The following PRKAA2 variants were observed in gnomAD, a reference collection of about 807,000 sequenced individuals.
PRKAA2 encodes the protein protein kinase AMP-activated catalytic subunit alpha 2, also known as 5'-AMP-activated protein kinase catalytic subunit alpha-2.
In PRKAA2, 40 loss-of-function variants were observed where a neutral mutation model predicts 56.3. The observed-to-expected ratio is 0.71, with a 90% CI of 0.55 to 0.92. The LOEUF (loss-of-function observed/expected upper bound fraction) is 0.92, where lower values mean the gene tolerates loss of function less well. Among genes scored for constraint, PRKAA2 ranks in the 40% least tolerant of loss-of-function variants. The probability of loss-of-function intolerance (pLI) is 0.00; values close to 1 mark genes in which losing one functional copy is unlikely to be tolerated. For synonymous variants in PRKAA2, 214 were observed against 234.2 expected (o/e 0.91, Z 0.79); for missense variants, 542 against 686.9 (o/e 0.79, Z 2.36).
At chr1:56,698,103 G>T (rs1408916046) in intron 6 of PRKAA2, among the ~76,000 whole-genome samples, 5 of 133,178 alleles carry the variant, frequency 3.8e-5, no homozygotes, top group Non-Finnish European at 6.2e-5. Context: ...TTTTTAAAGA[G>T]ATGGGGTCTT....
At chr1:56,653,717 A>G (rs924298079) in intron 1 of PRKAA2, among the ~76,000 whole-genome samples, 1 of 152,114 alleles carries the variant, frequency 6.6e-6, no homozygotes, top group African/African-American at 2.4e-5. Context: ...TGAGACCAGA[A>G]ATTTATTGAT....
intron 1 of PRKAA2, among the ~76,000 whole-genome samples, chr1:56,673,196 A>AC (rs763222827): frequency 6.6e-6 from 1 of 151,774 alleles, no homozygotes; most frequent in Non-Finnish European, 1.5e-5. Context: ...ACATGGTGAG[A>AC]CCCCATCTCT....
intron 2 of PRKAA2, among the ~76,000 whole-genome samples, chr1:56,684,263 C>T (rs1644175667): frequency 6.6e-6 from 1 of 151,922 alleles, no homozygotes; most frequent in Admixed American, 6.6e-5. Flanking sequence ...GTGGTTTCAA[C>T]AATTTAATTT....
intron 1 of PRKAA2, among the ~76,000 whole-genome samples, chr1:56,667,712 CAT>C (rs1479836933): frequency 6.6e-6 from 1 of 152,108 alleles, no homozygotes; most frequent in Non-Finnish European, 1.5e-5. Flanking sequence ...AAATGTTAAA[CAT>C]GTATATATAC....
intron 1 of PRKAA2, among the ~76,000 whole-genome samples, chr1:56,654,257 A>G (rs1643924762): frequency 6.6e-6 from 1 of 152,100 alleles, no homozygotes; most frequent in Non-Finnish European, 1.5e-5. Context: ...TCTTTTTGTA[A>G]AAACATCCCA....
chr1:56,691,596 T>A, intron 3 of PRKAA2, 109 bp downstream of exon 3: 1 of 729,304 alleles, frequency 1.4e-6, no homozygotes, highest in Non-Finnish European at 2.1e-6. Flanking sequence ...GCTTTTATGG[T>A]AGTGCTCAAC....
intron 3 of PRKAA2, 123 bp downstream of exon 3, chr1:56,691,610 A>G (rs1408626117): frequency 3.7e-6 from 2 of 540,248 alleles, no homozygotes; most frequent in South Asian, 5.4e-5. Flanking sequence ...GCTCAACTAA[A>G]CATGTAGAGT....
At chr1:56,670,294 G>T (rs767407535) in intron 1 of PRKAA2, among the ~76,000 whole-genome samples, 2 of 152,192 alleles carry the variant, frequency 1.3e-5, no homozygotes, top group Non-Finnish European at 2.9e-5. Flanking sequence ...TAAACAAATA[G>T]CAGTATTTTG....
At position 56,713,608 on chromosome 1, in the gene PRKAA2, A is replaced by G. The variant is rs1014947307; in HGVS notation, c.*5895A>G. 6.6e-6 allele frequency: 1 copy of G among 152,114 alleles called. No individual in the cohort carries two copies. Among genetic ancestry groups the G allele is most frequent in the African/African-American group, 2.4e-5 (1 of 41,422 alleles). The allele number at this position is 152,114 out of a possible 1,614,324, so 9.4% of individuals were successfully genotyped here. A position where few individuals can be genotyped will look rare whatever the true frequency, so the allele number is the denominator to read the frequency against. On this transcript the variant is annotated 3_prime_UTR_variant, in exon 9 of 9. Coordinates refer to ENST00000371244, the MANE Select transcript of PRKAA2 (RefSeq NM_006252.4). ...AATACGTAGAATTTTGACAAGGTTC[A>G]TACAGTGCATACAGTGTGACCTTTT...
In PRKAA2 at chr1:56,707,507, A is replaced by G. The variant is rs368958705; in HGVS notation, c.1453A>G (p.Thr485Ala). The change falls in exon 9 of 9, where the codon ACA becomes GCA. Residue 485 changes from threonine (T) to alanine (A), a missense_variant. This residue lies in a region of PRKAA2 where 158 missense variants were observed against 166.1 expected (regional missense o/e 0.95). Coordinates refer to ENST00000371244, the MANE Select transcript of PRKAA2 (RefSeq NM_006252.4). Reference sequence around the variant, plus strand: ...AGTGGAGCAGAGATCTGGTTCCTCAACACCTCAGCGTTCCTGTTCTGCTGC... The same window carrying G: ...AGTGGAGCAGAGATCTGGTTCCTCAGCACCTCAGCGTTCCTGTTCTGCTGC... ...EVVEQRSGSS[T>A]PQRSCSAAGL... The G allele has an allele frequency of 3.1e-6, 5 of 1,614,040 alleles. No individual in the cohort carries two copies. The highest frequency in any genetic ancestry group is 4.2e-6 in the Non-Finnish European group (5 of 1,180,038).
chr1:56,661,831 G>A (rs1643996627), intron 1 of PRKAA2, among the ~76,000 whole-genome samples: 1 of 151,852 alleles, frequency 6.6e-6, no homozygotes, highest in Non-Finnish European at 1.5e-5. Flanking sequence ...TGTTTGAGAT[G>A]CAATACTTTT....
intron 6 of PRKAA2, among the ~76,000 whole-genome samples, chr1:56,699,613 C>G (rs1273387392): frequency 2.6e-5 from 4 of 152,118 alleles, no homozygotes; most frequent in Non-Finnish European, 5.9e-5. Context: ...AAATATAATT[C>G]ACATATCATA....
chr1:56,695,339 C>T (rs934741610), intron 5 of PRKAA2, among the ~76,000 whole-genome samples: 2 of 151,688 alleles, frequency 1.3e-5, no homozygotes, highest in Non-Finnish European at 2.9e-5. Flanking sequence ...CTAAGATGTG[C>T]ACCACCATCC....
chr1:56,673,111 C>T (rs560144352), intron 1 of PRKAA2, among the ~76,000 whole-genome samples: 1 of 152,220 alleles, frequency 6.6e-6, no homozygotes, highest in East Asian at 1.9e-4. Flanking sequence ...TTGGGGTTCA[C>T]CTGTAATCCC....
intron 1 of PRKAA2, among the ~76,000 whole-genome samples, chr1:56,670,576 G>T (rs2746342): frequency 0.64 from 97,156 of 151,998 alleles, 31,287 homozygotes; most frequent in Middle Eastern, 0.71. Flanking sequence ...CAGGCTGTAC[G>T]CTGGGTAGCC....
chr1:56,645,370 A>G lies in PRKAA2; in HGVS notation c.-18A>G. 1 of 1,454,352 alleles carries G rather than the reference A, an allele frequency of 6.9e-7. No individual in the cohort carries two copies. The highest frequency in any genetic ancestry group is 1.3e-5 in the South Asian group (1 of 79,768). 90.1% of individuals were successfully genotyped at this position (1,454,352 alleles called of 1,614,324 possible). On this transcript the variant is annotated 5_prime_UTR_variant, in exon 1 of 9. Coordinates refer to ENST00000371244, the MANE Select transcript of PRKAA2 (RefSeq NM_006252.4). ...ACGCGGAGCGGCAGGCGGTGGAGCG[A>G]GGCCGCGCGCGCCGAAGATGGCTGA...
chr1:56,651,651 A>G (rs1208960819), intron 1 of PRKAA2, among the ~76,000 whole-genome samples: 1 of 152,216 alleles, frequency 6.6e-6, no homozygotes, highest in Non-Finnish European at 1.5e-5. Context: ...CTTTCAGTCC[A>G]TATTTAGAGA....
intron 2 of PRKAA2, among the ~76,000 whole-genome samples, 190 bp downstream of exon 2, chr1:56,674,712 TTGTTTCTAAATTAGTACTCAATTTA>T (rs755243476): frequency 1.0e-3 from 157 of 152,050 alleles, no homozygotes; most frequent in Non-Finnish European, 1.3e-3. Flanking sequence ...TGAACAGACA[TTGTTTCTAAATTAGTACTCAATTTA>T]TGTTTCTAAA....
chr1:56,660,814 C>T (rs1045178769), intron 1 of PRKAA2, among the ~76,000 whole-genome samples: 1 of 151,992 alleles, frequency 6.6e-6, no homozygotes, highest in African/African-American at 2.4e-5. Context: ...TAAATATGTA[C>T]ATAAAGTACT....
Sources: gnomAD v4.1 joint callset for allele counts (sites outside exome capture counted in the v4.1 genomes callset) on GRCh38, gnomAD v4.1.1 for gene constraint, gnomAD v4.1.1 regional missense constraint, MANE v1.5 for transcripts, NCBI Gene and HGNC (gene_info 2026-07-23, HGNC 2026-07-21) for gene names.